Variants in NRXN2 observed in about 807,000 individuals in gnomAD.
The protein encoded by NRXN2 is neurexin 2.
A neutral mutation model predicts 128.8 loss-of-function variants in NRXN2; 29 were observed. The ratio of observed to expected loss-of-function variants is 0.23; its 90% CI spans 0.17 to 0.31. The LOEUF is 0.31. Among genes scored for constraint, NRXN2 ranks in the 10% least tolerant of loss-of-function variants. The pLI is 1.00. For synonymous variants in NRXN2, 1,098 were observed against 1,075.2 expected, an observed-to-expected ratio of 1.02 and a Z score of -0.41; for missense variants, 1,881 against 2,452.6, an observed-to-expected ratio of 0.77 and a Z score of 4.92.
intron 2 of NRXN2, chr11:64,712,592 G>GC (rs2057036477): frequency 7.4e-6 from 3 of 407,626 alleles, no homozygotes; most frequent in Non-Finnish European, 1.0e-5. Flanking sequence ...CCTTTAATGG[G>GC]CCCTGTCCAC....
rs1321478208 is a variant in NRXN2, at chr11:64,622,724, C to T, written c.4173+29G>A. On this transcript the variant is annotated intron_variant, in intron 21 of 22. Transcript: ENST00000265459. This position sits in a 1 kb window ranked among gnomAD's most constrained non-coding sequence, Gnocchi z 4.3. ...AACCCCATCCCCACCTATCCCTGCC[C>T]TAATCCACCAGCCAGAGTGGGGCCT... 1.3e-6 allele frequency: 2 copies of T among 1,596,918 alleles called. No individual in the cohort carries two copies. Among genetic ancestry groups the T allele is most frequent in the Middle Eastern group, 1.7e-4 (1 of 5,962 alleles).
At chr11:64,685,573 G>A (rs962924022) in intron 6 of NRXN2, 73 bp downstream of exon 6, 117 of 1,593,768 alleles carry the variant, frequency 7.3e-5, no homozygotes, top group Non-Finnish European at 9.4e-5. Context: ...ACAAGCTCCC[G>A]GCAGCCCCCT....
At chr11:64,617,084 CAT>C (rs772035235) in intron 22 of NRXN2, among the ~76,000 whole-genome samples, 3 of 152,062 alleles carry the variant, frequency 2.0e-5, no homozygotes, top group South Asian at 2.1e-4. Context: ...TAAGCACACA[CAT>C]GTCTCTTGGA....
At chr11:64,695,799 C>T (rs1804699258) in intron 3 of NRXN2, among the ~76,000 whole-genome samples, 2 of 152,060 alleles carry the variant, frequency 1.3e-5, no homozygotes, top group African/African-American at 4.8e-5. Flanking sequence ...TCCACAGTGC[C>T]ACATCTAAAC....
intron 3 of NRXN2, among the ~76,000 whole-genome samples, chr11:64,693,099 G>A (rs992331023): frequency 2.0e-5 from 3 of 151,710 alleles, no homozygotes; most frequent in Admixed American, 6.6e-5. Flanking sequence ...CCGAAACAGC[G>A]GGTGGAGGGC....
Position 64,635,941 on chromosome 11 carries a change from T to C in NRXN2, c.3404-489A>G, listed in dbSNP as rs545434473. Among the ~76,000 whole-genome samples, 5 of 152,112 alleles carry C rather than the reference T, an allele frequency of 3.3e-5. No homozygotes were observed. In the East Asian group the frequency reaches 5.8e-4, roughly 18 times the overall value. On this transcript the variant is annotated intron_variant, in intron 17 of 22. Transcript: ENST00000265459. This position sits in a 1 kb window ranked among gnomAD's most constrained non-coding sequence, Gnocchi z 4.8. ...GAAGATGAGCAGAGCTGTGTGCAGC[T>C]CTGACTCACGGCCAGAGCTGGCGCC...
chr11:64,612,214 G>A lies in NRXN2; in HGVS notation c.4253-4132C>T, dbSNP rs954276686. ...GCAGGACCTGGAGGAGGGGAGGACC[G>A]GGCTCCTCAAAGACTCCTCCCTGCC... On this transcript the variant is annotated intron_variant, in intron 22 of 22. Coordinates refer to ENST00000265459, the MANE Select transcript of NRXN2 (RefSeq NM_015080.4). Among the ~76,000 whole-genome samples the A allele has an allele frequency of 1.4e-4, 21 of 152,138 alleles. No individual in the cohort carries two copies. The East Asian group carries it at 2.9e-3, about 21-fold the overall frequency.
chr11:64,628,187 T>C (rs2043350142), intron 19 of NRXN2, among the ~76,000 whole-genome samples: 4 of 152,236 alleles, frequency 2.6e-5, no homozygotes, highest in Non-Finnish European at 5.9e-5. Context: ...TAGTGTTTAA[T>C]GACATTCTCA....
intron 2 of NRXN2, 35 bp downstream of exon 2, chr11:64,712,935 G>A: frequency 6.7e-7 from 1 of 1,488,850 alleles, no homozygotes; most frequent in Non-Finnish European, 8.9e-7. Flanking sequence ...TCACCCCCGC[G>A]CCCAGGCACC....
intron 17 of NRXN2, among the ~76,000 whole-genome samples, chr11:64,647,218 T>TGTGGGTGTGTGTGTGTGTGC (rs2046824204): frequency 6.7e-6 from 1 of 150,064 alleles, no homozygotes; most frequent in South Asian, 2.1e-4. Context: ...TGTGTGTGTG[T>TGTGGGTGTGTGTGTGTGTGC]GTGTGTGTGT....
intron 2 of NRXN2, 22 bp downstream of exon 2, chr11:64,712,948 G>A (rs775930207): frequency 1.3e-6 from 2 of 1,499,310 alleles, no homozygotes; most frequent in South Asian, 2.5e-5. Flanking sequence ...CAGGCACCGG[G>A]CGGCCGCTCC....
At chr11:64,639,662 G>A (rs1367832741) in intron 17 of NRXN2, among the ~76,000 whole-genome samples, 1 of 152,060 alleles carries the variant, frequency 6.6e-6, no homozygotes, top group Non-Finnish European at 1.5e-5. Flanking sequence ...TGTCTGGCAG[G>A]TAAGGACATT....
intron 7 of NRXN2, among the ~76,000 whole-genome samples, chr11:64,671,613 T>G (rs1020447663): frequency 7.9e-5 from 12 of 151,020 alleles, no homozygotes; most frequent in Admixed American, 2.6e-4. Flanking sequence ...AGGAGCAGAG[T>G]GAGGGCTAGA....
intron 22 of NRXN2, 94 bp downstream of exon 22, chr11:64,620,200 C>T: frequency 1.0e-6 from 1 of 964,604 alleles, no homozygotes; most frequent in Non-Finnish European, 1.6e-6. Context: ...TGGCAGCAGG[C>T]CCTGGGGCTT....
rs2044093682 is a variant in NRXN2 at position 64,632,692 on chromosome 11, C to T, written c.3586-2119G>A. 6.6e-6 allele frequency among the ~76,000 whole-genome samples: 1 copy of T among 152,074 alleles called. No individual in the cohort carries two copies. The highest frequency in any genetic ancestry group is 6.5e-5 in the Admixed American group (1 of 15,276). On this transcript the variant is annotated intron_variant, in intron 18 of 22. Coordinates refer to ENST00000265459, the MANE Select transcript of NRXN2 (RefSeq NM_015080.4). The surrounding 1 kb of genome is among the most constrained non-coding windows in gnomAD (Gnocchi z 4.2). ...CAGTCAAGCTCAGGGCCCTGCACTCCGGGGGAGAGGCAGCTCCCCAGAGCC... is the reference window on the plus strand; with the variant it reads ...CAGTCAAGCTCAGGGCCCTGCACTCTGGGGGAGAGGCAGCTCCCCAGAGCC...
chr11:64,652,249 C>T (rs370173955), intron 12 of NRXN2, 95 bp from the exon 13 acceptor site: 51 of 1,472,360 alleles, frequency 3.5e-5, no homozygotes, highest in South Asian at 3.4e-4. Context: ...TCCCCATCCC[C>T]GCACATGCCA....
chr11:64,650,942 C>T (rs1376282013), intron 14 of NRXN2, among the ~76,000 whole-genome samples: 1 of 152,082 alleles, frequency 6.6e-6, no homozygotes, highest in Non-Finnish European at 1.5e-5. Context: ...GACTGGGCTG[C>T]TCTGGAGTGG....
In NRXN2 at chr11:64,617,161, CGT is replaced by C. The variant is rs35015925; in HGVS notation, c.4252+3131_4252+3132del. ...TAGTGTGTGCTCCTCTAGGTTTGAA[CGT>C]GTGTGTGTGTGTATGTGTGTGTGTG... is the stretch of plus-strand genomic sequence containing the variant. On this transcript the variant is annotated intron_variant, in intron 22 of 22. Transcript: ENST00000265459. Among the ~76,000 whole-genome samples the C allele has an allele frequency of 3.3e-4, 50 of 151,340 alleles. 1 individual carries two copies. The highest frequency in any genetic ancestry group is 5.0e-4 in the Non-Finnish European group (34 of 67,772).
At chr11:64,612,915 C>T (rs1191173389) in intron 22 of NRXN2, among the ~76,000 whole-genome samples, 1 of 152,232 alleles carries the variant, frequency 6.6e-6, no homozygotes, top group Middle Eastern at 3.2e-3. Flanking sequence ...AAACCATTCT[C>T]TCCTCTCAGT....
Sources: allele counts gnomAD v4.1 joint callset (sites outside exome capture counted in the v4.1 genomes callset), GRCh38; gene constraint gnomAD v4.1.1; non-coding constraint Gnocchi (gnomAD v3.1); transcripts MANE v1.5; gene names NCBI Gene and HGNC (gene_info 2026-07-23, HGNC 2026-07-21).